The following XYLT1 variants were observed in gnomAD, a reference collection of about 807,000 sequenced individuals.
XYLT1 encodes beta-D-xylosyltransferase 1.
In XYLT1, 36 loss-of-function variants were observed where a neutral mutation model predicts 91.3. The observed-to-expected ratio is 0.39, with a 90% CI of 0.30 to 0.52. The LOEUF (loss-of-function observed/expected upper bound fraction) is 0.52. XYLT1 is among the 20% of genes least tolerant of loss of function. The pLI is 0.68. For missense variants in XYLT1, 1,242 were observed against 1,284.5 expected (o/e 0.97, Z 0.51); for synonymous variants, 588 against 532.0 (o/e 1.11, Z -1.45).
At chr16:17,208,090 G>T (rs887847645) in intron 3 of XYLT1, among the ~76,000 whole-genome samples, 1 of 151,928 alleles carries the variant, frequency 6.6e-6, no homozygotes, top group African/African-American at 2.4e-5. Context: ...GGGCTCAAGG[G>T]ATCCTCACAC....
At chr16:17,441,719 C>A (rs1434314178) in intron 1 of XYLT1, among the ~76,000 whole-genome samples, 2 of 152,172 alleles carry the variant, frequency 1.3e-5, no homozygotes, top group Admixed American at 1.3e-4. Flanking sequence ...AAGATTAAGT[C>A]TCCCTCAGGA....
chr16:17,234,374 A>C (rs114999052), intron 3 of XYLT1, among the ~76,000 whole-genome samples: 93 of 152,320 alleles, frequency 6.1e-4, no homozygotes, highest in Admixed American at 3.3e-3. Flanking sequence ...CTGTTCAGTT[A>C]CATCTTTGCC....
chr16:17,318,924 A>T (rs2034675906), intron 2 of XYLT1, among the ~76,000 whole-genome samples: 1 of 151,560 alleles, frequency 6.6e-6, no homozygotes. Context: ...AGTAGCTGGG[A>T]TTACAGGCAT....
intron 5 of XYLT1, among the ~76,000 whole-genome samples, chr16:17,180,219 C>T (rs1024471118): frequency 9.2e-5 from 14 of 152,188 alleles, no homozygotes; most frequent in Non-Finnish European, 1.8e-4. Flanking sequence ...TGTCATGAAG[C>T]CTGTCTGAGA....
chr16:17,437,890 C>T (rs1048257160), intron 1 of XYLT1, among the ~76,000 whole-genome samples: 8 of 152,126 alleles, frequency 5.3e-5, no homozygotes, highest in South Asian at 2.1e-4. Flanking sequence ...TACTGGTTGC[C>T]GCACGGTGCA....
chr16:17,267,090 G>C (rs1049042222), intron 2 of XYLT1, among the ~76,000 whole-genome samples: 1 of 152,224 alleles, frequency 6.6e-6, no homozygotes, highest in Non-Finnish European at 1.5e-5. Flanking sequence ...ATGTTAATGG[G>C]ATGCAAAACA....
chr16:17,205,025 A>T lies in XYLT1; in HGVS notation c.914-4371T>A, dbSNP rs550806568. Among the ~76,000 whole-genome samples the T allele has an allele frequency of 1.1e-4, 17 of 152,316 alleles. No individual in the cohort carries two copies. The South Asian group carries it at 3.5e-3, about 32-fold the overall frequency. On this transcript the variant is annotated intron_variant, in intron 3 of 11. Transcript: ENST00000261381. ...AATGTAATCAGATTCCCATGGCACA[A>T]AACAGAAAATAAGTGGAAAAATCAG...
At chr16:17,400,757 C>T (rs1049986925) in intron 1 of XYLT1, among the ~76,000 whole-genome samples, 2 of 151,986 alleles carry the variant, frequency 1.3e-5, no homozygotes, top group African/African-American at 4.8e-5. Flanking sequence ...GTAATGAAAG[C>T]CACGAGTGAA....
chr16:17,366,674 GAC>G (rs1328007579), intron 1 of XYLT1, among the ~76,000 whole-genome samples: 1 of 152,186 alleles, frequency 6.6e-6, no homozygotes, highest in Non-Finnish European at 1.5e-5. Flanking sequence ...CAGCCTGGGT[GAC>G]AGACTGGGAC....
chr16:17,107,791 C>T lies in XYLT1; in HGVS notation c.*904G>A, dbSNP rs1242081913. ...TTCATGGTCATGGCTGTCAAAGTTC[C>T]CATTTTCAAGGATCAAAGAAGGTCA... On this transcript the variant is annotated 3_prime_UTR_variant, in exon 12 of 12. Coordinates refer to ENST00000261381, the MANE Select transcript of XYLT1 (RefSeq NM_022166.4). 6.6e-6 allele frequency: 1 copy of T among 152,630 alleles called. No individual in the cohort carries two copies. The highest frequency in any genetic ancestry group is 2.4e-5 in the African/African-American group (1 of 41,432). The allele number at this position is 152,630 out of a possible 1,614,324, so 9.5% of individuals were successfully genotyped here. A position where few individuals can be genotyped will look rare whatever the true frequency, so the allele number is the denominator to read the frequency against.
intron 3 of XYLT1, among the ~76,000 whole-genome samples, chr16:17,205,612 T>C (rs1274300493): frequency 6.6e-6 from 1 of 152,206 alleles, no homozygotes; most frequent in Non-Finnish European, 1.5e-5. Flanking sequence ...ATAGCCATCA[T>C]TTCTATGTGG....
intron 1 of XYLT1, among the ~76,000 whole-genome samples, chr16:17,372,253 G>A (rs1268542692): frequency 6.6e-6 from 1 of 152,208 alleles, no homozygotes; most frequent in Non-Finnish European, 1.5e-5. Context: ...CATGCTAACT[G>A]TGTTTACATG....
chr16:17,304,992 C>G (rs77843338), intron 2 of XYLT1, among the ~76,000 whole-genome samples: 240 of 152,284 alleles, frequency 1.6e-3, no homozygotes, highest in African/African-American at 5.0e-3. Flanking sequence ...CAGGAATGAT[C>G]TGGAAGTCCT....
rs78083745 is a variant in XYLT1, at chr16:17,130,789, G to A, written c.2028-2928C>T. Among the ~76,000 whole-genome samples the A allele has an allele frequency of 4.9e-3, 738 of 152,142 alleles. 6 individuals are homozygous for A. Among genetic ancestry groups the A allele is most frequent in the African/African-American group, 0.016 (681 of 41,496 alleles). On this transcript the variant is annotated intron_variant, in intron 9 of 11. Transcript: ENST00000261381. Reference sequence around the variant, plus strand: ...TGTTCCCATAGTAGCCACGTCCATCGTCCCTCACTTAAATGCCACAAGCAC... The same window carrying A: ...TGTTCCCATAGTAGCCACGTCCATCATCCCTCACTTAAATGCCACAAGCAC...
chr16:17,190,438 TC>T (rs2032284109), intron 5 of XYLT1, among the ~76,000 whole-genome samples: 1 of 60,420 alleles, frequency 1.7e-5, no homozygotes, highest in South Asian at 5.9e-4. Context: ...ATGCTATCCC[TC>T]CCCCCTCCCC....
chr16:17,432,163 A>G (rs763138069), intron 1 of XYLT1, among the ~76,000 whole-genome samples: 6 of 152,214 alleles, frequency 3.9e-5, no homozygotes, highest in Non-Finnish European at 7.3e-5. Context: ...CACTTCAACG[A>G]TTTCTTAAAA....
intron 2 of XYLT1, among the ~76,000 whole-genome samples, chr16:17,283,313 A>G (rs775729055): frequency 1.3e-5 from 2 of 152,224 alleles, no homozygotes; most frequent in Non-Finnish European, 2.9e-5. Flanking sequence ...TCAGGAGCTC[A>G]AACTCTGAAG....
intron 5 of XYLT1, among the ~76,000 whole-genome samples, chr16:17,159,719 C>T (rs1460084754): frequency 1.3e-5 from 2 of 152,240 alleles, no homozygotes; most frequent in African/African-American, 4.8e-5. Flanking sequence ...CCAATACAAA[C>T]GAGTGACATC....
rs1245964679 is a variant in XYLT1, at chr16:17,106,448, A to G, written c.*2247T>C. On this transcript the variant is annotated 3_prime_UTR_variant, in exon 12 of 12. Transcript: ENST00000261381. ...GGCTTTCTGAGAAAAGTACCCTGAG[A>G]TCCCTGGAATCGCTGTTGAGAATGG... The G allele has an allele frequency of 6.6e-6, 1 of 152,140 alleles. No homozygotes were observed. Among genetic ancestry groups the G allele is most frequent in the Non-Finnish European group, 1.5e-5 (1 of 68,042 alleles). 9.4% of individuals were successfully genotyped at this position (152,140 alleles called of 1,614,324 possible).
Sources: allele counts gnomAD v4.1 joint callset (sites outside exome capture counted in the v4.1 genomes callset), GRCh38; gene constraint gnomAD v4.1.1; transcripts MANE v1.5; gene names NCBI Gene and HGNC (gene_info 2026-07-23, HGNC 2026-07-21).